NPR1: variants seen among roughly 807,000 people sequenced by gnomAD.
NPR1 encodes the protein atrial natriuretic peptide receptor 1.
A neutral mutation model predicts 116.9 loss-of-function variants in NPR1; 57 were observed. The ratio of observed to expected loss-of-function variants is 0.49; its 90% CI spans 0.39 to 0.61. The LOEUF (loss-of-function observed/expected upper bound fraction) is 0.61. Among genes scored for constraint, NPR1 ranks in the 20% least tolerant of loss-of-function variants. NPR1 has a pLI of 0.00. For synonymous variants in NPR1, 555 were observed against 601.6 expected (o/e 0.92, Z 1.13); for missense variants, 1,096 against 1,409.8 (o/e 0.78, Z 3.56).
intron 5 of NPR1, 143 bp downstream of exon 5, chr1:153,682,732 CAG>C: frequency 1.5e-6 from 1 of 674,278 alleles, no homozygotes; most frequent in Non-Finnish European, 2.6e-6. Flanking sequence ...CTGGATAAAA[CAG>C]ACCCAGCTCC....
Position 153,680,705 on chromosome 1 carries a change from G to C in NPR1, c.921+5G>C. The stretch of plus-strand genomic sequence containing the variant: ...AGTGCCCGCCAGGCCTTTCAGGTGA[G>C]TACCTAGGTTTGAAGCCCAGGCTGT... On this transcript the variant is annotated splice_donor_5th_base_variant and intron_variant, in intron 2 of 21. Coordinates refer to ENST00000368680, the MANE Select transcript of NPR1 (RefSeq NM_000906.4). 1.2e-6 allele frequency: 2 copies of C among 1,608,480 alleles called. No individual in the cohort carries two copies. Among genetic ancestry groups the C allele is most frequent in the Non-Finnish European group, 1.7e-6 (2 of 1,176,726 alleles).
rs761226763 is a variant in NPR1, at chr1:153,690,143, A to T, written c.2933-141A>T. 4.6e-3 allele frequency: 1,805 copies of T among 390,328 alleles called. 4 individuals are homozygous for T. The highest frequency in any genetic ancestry group is 0.032 in the East Asian group (627 of 19,316). The allele number at this position is 390,328 out of a possible 1,614,324, so 24.2% of individuals were successfully genotyped here. ...CTCTCTCTCTCTCTCTCTCTCTCTC[A>T]CACACACACACACACACACACACAG... is the stretch of plus-strand genomic sequence containing the variant. On this transcript the variant is annotated intron_variant, in intron 19 of 21. Transcript: ENST00000368680.
rs967531198 is a variant in NPR1 at position 153,693,148 on chromosome 1, A to C, written c.3074A>C (p.Glu1025Ala). The C allele has an allele frequency of 1.9e-6, 3 of 1,613,888 alleles. No individual in the cohort carries two copies. Among genetic ancestry groups the C allele is most frequent in the African/African-American group, 2.7e-5 (2 of 74,888 alleles). Residue 1025 changes from glutamate to alanine, a missense_variant, in exon 21 of 22, where the codon GAG (glutamate) becomes GCG (alanine). Transcript: ENST00000368680. The part of the protein sequence containing the change: ...HLSSETKAVL[E>A]EFGGFELELR... ...TCTTCTGAGACCAAGGCTGTCCTGG[A>C]GGAGTTTGGTGGTTTCGAGCTGGAG...
intron 8 of NPR1, 36 bp from the exon 9 acceptor site, chr1:153,685,770 C>A: frequency 2.6e-6 from 4 of 1,567,936 alleles, no homozygotes; most frequent in Non-Finnish European, 3.5e-6. Flanking sequence ...ACTGGGCCCA[C>A]CGGCTGACCA....
chr1:153,683,654 C>T (rs1346387281), intron 6 of NPR1, 86 bp from the exon 7 acceptor site: 3 of 1,533,500 alleles, frequency 2.0e-6, no homozygotes, highest in African/African-American at 2.7e-5. Context: ...TCCATCATCC[C>T]AGTTCACTGA....
chr1:153,688,028 C>A (rs1369887567), intron 14 of NPR1, 25 bp from the exon 15 acceptor site: 1 of 1,543,788 alleles, frequency 6.5e-7, no homozygotes, highest in Non-Finnish European at 8.8e-7. Flanking sequence ...CCCCACCCCT[C>A]AGCTCCTCTA....
rs1387131586 is a variant in NPR1 at position 153,687,203 on chromosome 1, A to G, written c.1939A>G (p.Met647Val). Residue 647 changes from methionine (M) to valine (V), a missense_variant, in exon 13 of 22, where the codon ATG becomes GTG. Physicochemically the swap from Met to Val is conservative, Grantham distance 21 (BLOSUM62 1). Coordinates refer to ENST00000368680, the MANE Select transcript of NPR1 (RefSeq NM_000906.4). ...YSLTNDIVKG[M>V]LFLHNGAICS... is the part of the protein sequence containing the mutation. ...CTCTGCCCACTCACATTTCCAGGGC[A>G]TGCTGTTTCTACACAATGGGGCTAT... is the stretch of plus-strand genomic sequence containing the variant. The G allele has an allele frequency of 1.2e-6, 2 of 1,613,994 alleles. No individual in the cohort carries two copies. The highest frequency in any genetic ancestry group is 1.7e-6 in the Non-Finnish European group (2 of 1,179,982).
In NPR1 at chr1:153,684,981, A is replaced by G. The variant is rs1208579625; in HGVS notation, c.1502A>G (p.Lys501Arg). Residue 501 changes from lysine (K) to arginine (R), a missense_variant, in exon 8 of 22, where the codon AAG becomes AGG. Transcript: ENST00000368680. Reference protein sequence around the residue: ...FFIYRKMQLEKELASELWRVR... With the variant: ...FFIYRKMQLERELASELWRVR... The stretch of plus-strand genomic sequence containing the variant: ...TATCCCAGGAAGATGCAGCTGGAGA[A>G]GGAACTGGCCTCGGAGCTGTGGCGG... 1.9e-6 allele frequency: 3 copies of G among 1,614,006 alleles called. No individual in the cohort carries two copies. Among genetic ancestry groups the G allele is most frequent in the Admixed American group, 3.3e-5 (2 of 59,994 alleles).
chr1:153,683,696 C>T (rs150748161), intron 6 of NPR1, 44 bp from the exon 7 acceptor site: 44 of 1,599,594 alleles, frequency 2.8e-5, no homozygotes, highest in Non-Finnish European at 3.5e-5. Context: ...CTCCTGCTGT[C>T]TAACCCAAAT....
In NPR1 at chr1:153,681,704, G is replaced by A; in HGVS notation, c.1036G>A (p.Val346Met). The A allele has an allele frequency of 1.9e-6, 3 of 1,613,786 alleles. No individual in the cohort carries two copies. The highest frequency in any genetic ancestry group is 2.2e-5 in the East Asian group (1 of 44,872). Residue 346 changes from valine (V) to methionine (M), a missense_variant and splice_region_variant, in exon 4 of 22, where the codon GTG becomes ATG. Transcript: ENST00000368680. The stretch of plus-strand genomic sequence containing the variant: ...AGCCGACCTCTGTTTGCCCCTACAG[G>A]TGAACACCATCCCAGCATCCTTCCA... ...QFNFTMEDGLVNTIPASFHDG... is the reference protein window; with the variant it reads ...QFNFTMEDGLMNTIPASFHDG...
Position 153,686,698 on chromosome 1 carries a change from A to AC in NPR1, c.1818dup (p.Asn607GlnfsTer21), listed in dbSNP as rs772189906. ...ACCAGGTTTGTGGGAGCCTGCACCG[A>AC]CCCCCCCAATATCTGCATCCTCACA... On this transcript the variant is annotated frameshift_variant, in exon 11 of 22. Transcript: ENST00000368680. LOFTEE classifies it high-confidence loss of function. 9.9e-6 allele frequency: 16 copies of AC among 1,612,820 alleles called. No homozygotes were observed. The highest frequency in any genetic ancestry group is 1.3e-5 in the African/African-American group (1 of 74,602).
rs779468413 is a variant in NPR1 at position 153,681,670 on chromosome 1, G to A, written c.1036-34G>A. 5.0e-6 allele frequency: 8 copies of A among 1,606,346 alleles called. No individual in the cohort carries two copies. In the South Asian group the frequency reaches 6.6e-5, roughly 13 times the overall value. On this transcript the variant is annotated intron_variant, in intron 3 of 21. Transcript: ENST00000368680. ...GCTCCCACCTCCATGCCCTTCATAT[G>A]CCCACCCCAGCCGACCTCTGTTTGC...
intron 6 of NPR1, 88 bp from the exon 7 acceptor site, chr1:153,683,652 C>G (rs1669845622): frequency 1.3e-6 from 2 of 1,533,406 alleles, no homozygotes; most frequent in Admixed American, 3.4e-5. Flanking sequence ...CATCCATCAT[C>G]CCAGTTCACT....
chr1:153,687,323 C>T lies in NPR1; in HGVS notation c.2059C>T (p.Leu687=). The T allele has an allele frequency of 6.2e-7, 1 of 1,614,104 alleles. No individual in the cohort carries two copies. Among genetic ancestry groups the T allele is most frequent in the Non-Finnish European group, 8.5e-7 (1 of 1,179,984 alleles). Residue 687 remains leucine, a synonymous_variant, in exon 13 of 22, where the codon CTG becomes TTG. Transcript: ENST00000368680. The part of the protein sequence containing the change: ...TDYGLESFRD[L]DPEQGHTVYA... ...CTATGGGCTGGAGAGCTTCAGGGAC[C>T]TGGACCCAGAGCAAGGACACACCGT...
intron 1 of NPR1, 140 bp from the exon 2 acceptor site, chr1:153,680,361 C>A: frequency 1.9e-6 from 1 of 532,212 alleles, no homozygotes; most frequent in Non-Finnish European, 3.3e-6. Context: ...CTAGGCTGAG[C>A]CGGGAGTTAC....
intron 14 of NPR1, 29 bp from the exon 15 acceptor site, chr1:153,688,024 C>A (rs756905335): frequency 6.6e-7 from 1 of 1,525,254 alleles, no homozygotes; most frequent in Non-Finnish European, 8.9e-7. Flanking sequence ...CCAGCCCCAC[C>A]CCTCAGCTCC....
rs889760412 is a variant in NPR1 at position 153,682,533 on chromosome 1, G to A, written c.1207G>A (p.Asp403Asn). Reference sequence around the variant, plus strand: ...ATACCTGAAAATTGATAGCAGTGGCGATCGGGAAACAGACTTCTCCCTCTG... The same window carrying A: ...ATACCTGAAAATTGATAGCAGTGGCAATCGGGAAACAGACTTCTCCCTCTG... ...TGYLKIDSSG[D>N]RETDFSLWDM... Residue 403 changes from aspartate to asparagine, a missense_variant, in exon 5 of 22, where the codon GAT (aspartate) becomes AAT (asparagine). Asp to Asn is a conservative substitution (Grantham distance 23). Coordinates refer to ENST00000368680, the MANE Select transcript of NPR1 (RefSeq NM_000906.4). The A allele has an allele frequency of 6.8e-6, 11 of 1,613,892 alleles. No individual in the cohort carries two copies. The Admixed American group carries it at 8.3e-5, about 12-fold the overall frequency.
At position 153,689,333 on chromosome 1, in the gene NPR1, G is replaced by T; in HGVS notation, c.2688+22G>T. The T allele has an allele frequency of 6.2e-7, 1 of 1,614,192 alleles. No homozygotes were observed. On this transcript the variant is annotated intron_variant, in intron 17 of 21. Coordinates refer to ENST00000368680, the MANE Select transcript of NPR1 (RefSeq NM_000906.4). The surrounding 1 kb of genome is among the most constrained non-coding windows in gnomAD (Gnocchi z 5.1). The stretch of plus-strand genomic sequence containing the variant: ...GCAGGTAGGCCAGGGTTCAGCCACA[G>T]GTGCCAGGCAAGCTCAGCATCTGGA...
At chr1:153,680,469 G>T (rs918927668) in intron 1 of NPR1, 32 bp from the exon 2 acceptor site, 1 of 1,607,746 alleles carries the variant, frequency 6.2e-7, no homozygotes. Flanking sequence ...CAGTACCTAG[G>T]CTTCTCTCTC....
Sources: allele counts gnomAD v4.1 joint callset, GRCh38; gene constraint gnomAD v4.1.1; non-coding constraint Gnocchi (gnomAD v3.1); transcripts MANE v1.5; gene names NCBI Gene and HGNC (gene_info 2026-07-23, HGNC 2026-07-21).